Variants in ATG2B observed in about 807,000 individuals in gnomAD.
ATG2B encodes the protein autophagy-related protein 2 homolog B.
ATG2B carries 121 observed loss-of-function variants against 241.3 expected under a neutral mutation model. The observed-to-expected ratio is 0.50, with a 90% CI of 0.43 to 0.58. The LOEUF (loss-of-function observed/expected upper bound fraction) is 0.58, where lower values mean the gene tolerates loss of function less well. Among genes scored for constraint, ATG2B ranks in the 20% least tolerant of loss-of-function variants. ATG2B has a pLI of 0.00. For synonymous variants in ATG2B, 858 were observed against 876.6 expected, an observed-to-expected ratio of 0.98 and a Z score of 0.37; for missense variants, 2,306 against 2,491.6, an observed-to-expected ratio of 0.93 and a Z score of 1.59.
chr14:96,348,342 G>A (rs1566734640), intron 1 of ATG2B, among the ~76,000 whole-genome samples: 1 of 152,178 alleles, frequency 6.6e-6, no homozygotes, highest in Non-Finnish European at 1.5e-5. Context: ...GGGAATGGTA[G>A]TAGGGTAGCA....
At chr14:96,303,285 C>T in intron 32 of ATG2B, 30 bp from the exon 33 acceptor site, 2 of 1,407,408 alleles carry the variant, frequency 1.4e-6, no homozygotes, top group Non-Finnish European at 9.4e-7. Context: ...GAACGCGGAA[C>T]AGTTCTTTAC....
At chr14:96,362,783 G>A in intron 1 of ATG2B, 32 bp downstream of exon 1, 1 of 1,582,694 alleles carries the variant, frequency 6.3e-7, no homozygotes, top group Non-Finnish European at 8.6e-7. Context: ...AGGGGAGCGA[G>A]CCCCGCCCGG....
At chr14:96,314,437 A>G (rs1887248937) in intron 23 of ATG2B, among the ~76,000 whole-genome samples, 2 of 152,252 alleles carry the variant, frequency 1.3e-5, no homozygotes, top group Non-Finnish European at 2.9e-5. Context: ...CTTTAAAGCA[A>G]CATCATATTA....
At chr14:96,345,054 A>C (rs533761346) in intron 3 of ATG2B, among the ~76,000 whole-genome samples, 179 bp downstream of exon 3, 3 of 152,264 alleles carry the variant, frequency 2.0e-5, no homozygotes, top group Admixed American at 6.5e-5. Context: ...ACAAAAAAAA[A>C]AACAACATGC....
intron 6 of ATG2B, among the ~76,000 whole-genome samples, chr14:96,336,614 T>A (rs926881621): frequency 6.6e-6 from 1 of 152,200 alleles, no homozygotes; most frequent in Non-Finnish European, 1.5e-5. Context: ...GTACAAAAGT[T>A]TGGGTTTACA....
At chr14:96,342,717 CAAAAAAA>C (rs11290481) in intron 5 of ATG2B, among the ~76,000 whole-genome samples, 1 of 103,066 alleles carries the variant, frequency 9.7e-6, no homozygotes, top group Admixed American at 1.1e-4. Flanking sequence ...AGACTCTCTC[CAAAAAAA>C]AAAAAAAAAC....
chr14:96,343,272 G>T lies in ATG2B; in HGVS notation c.591C>A (p.Tyr197Ter). ...ALEIRIERTVYCDETADESSG... is the reference protein window; with the variant it reads ...ALEIRIERTV Reference sequence around the variant, plus strand: ...AGGATTCGTCAGCAGTTTCATCACAGTACACAGTTCTGAAATTTTTTTAAA... The same window carrying T: ...AGGATTCGTCAGCAGTTTCATCACATTACACAGTTCTGAAATTTTTTTAAA... The change falls in exon 5 of 42, where the codon TAC becomes TAA. Residue 197 changes from tyrosine to a stop codon, truncating the protein, a stop_gained. Transcript: ENST00000359933. LOFTEE classifies it high-confidence loss of function. 1 of 1,582,346 alleles carries T rather than the reference G, an allele frequency of 6.3e-7. No homozygotes were observed. The highest frequency in any genetic ancestry group is 8.6e-7 in the Non-Finnish European group (1 of 1,167,040).
At chr14:96,347,068 C>T (rs987457441) in intron 2 of ATG2B, 111 bp downstream of exon 2, 14 of 965,908 alleles carry the variant, frequency 1.4e-5, no homozygotes, top group Middle Eastern at 2.3e-4. Flanking sequence ...GTATTATCAA[C>T]TGAAAATTTC....
intron 1 of ATG2B, among the ~76,000 whole-genome samples, chr14:96,352,221 G>T (rs1043789166): frequency 2.0e-5 from 3 of 152,148 alleles, no homozygotes; most frequent in African/African-American, 7.2e-5. Flanking sequence ...GGTGATGCTG[G>T]TGTAAATAAA....
At chr14:96,331,219 A>AGG (rs1887722535) in intron 11 of ATG2B, among the ~76,000 whole-genome samples, 157 bp downstream of exon 11, 1 of 152,276 alleles carries the variant, frequency 6.6e-6, no homozygotes, top group Non-Finnish European at 1.5e-5. Flanking sequence ...CAGCACTGCA[A>AGG]GAAAACTTCA....
chr14:96,354,545 C>T (rs1280925017), intron 1 of ATG2B, among the ~76,000 whole-genome samples: 2 of 152,146 alleles, frequency 1.3e-5, no homozygotes, highest in African/African-American at 4.8e-5. Flanking sequence ...GGGTTGATTC[C>T]GTGTCTTTGC....
intron 8 of ATG2B, among the ~76,000 whole-genome samples, chr14:96,333,000 C>T (rs1887780996): frequency 6.6e-6 from 1 of 152,078 alleles, no homozygotes; most frequent in Non-Finnish European, 1.5e-5. Flanking sequence ...ATTGCAACCT[C>T]TAGTTTCATC....
chr14:96,282,064 TGA>T lies in ATG2B; in HGVS notation c.*3689_*3690del, dbSNP rs1886213855. ...TGTGCCTAGCATGATCCTGAAATGT[TGA>T]GATAAAAAGAAGTTGGCATTAAAGC... On this transcript the variant is annotated 3_prime_UTR_variant, in exon 42 of 42. Coordinates refer to ENST00000359933, the MANE Select transcript of ATG2B (RefSeq NM_018036.7). The T allele has an allele frequency of 1.3e-5, 2 of 152,224 alleles. No homozygotes were observed. The highest frequency in any genetic ancestry group is 4.8e-5 in the African/African-American group (2 of 41,454). 9.4% of individuals were successfully genotyped at this position (152,224 alleles called of 1,614,324 possible). A position where few individuals can be genotyped will look rare whatever the true frequency, so the allele number is the denominator to read the frequency against.
chr14:96,299,716 A>C (rs906200656), intron 34 of ATG2B, among the ~76,000 whole-genome samples: 10 of 152,202 alleles, frequency 6.6e-5, no homozygotes, highest in Non-Finnish European at 1.3e-4. Flanking sequence ...GCCTGCCCTA[A>C]GGGAACACTG....
chr14:96,322,308 G>A (rs1338012399), intron 17 of ATG2B, 54 bp from the exon 18 acceptor site: 11 of 1,552,698 alleles, frequency 7.1e-6, no homozygotes. Flanking sequence ...TAAAATAGTA[G>A]TAGCATCTTC....
Position 96,306,821 on chromosome 14 carries a change from G to T in ATG2B, c.4399C>A (p.Pro1467Thr), listed in dbSNP as rs1029706253. ...TGGTGAGAGAATGAGGCATAGGTGG[G>T]GCCGGACTCCTGGGATACATTCCCA... is the stretch of plus-strand genomic sequence containing the variant. ...ESGNVSQESG[P>T]TYASFSHHFI... The change falls in exon 30 of 42, where the codon CCC becomes ACC. Residue 1467 changes from proline (P) to threonine (T), a missense_variant. This residue lies in a region of ATG2B where 1,927 missense variants were observed against 2,011.2 expected (regional missense o/e 0.96). Coordinates refer to ENST00000359933, the MANE Select transcript of ATG2B (RefSeq NM_018036.7). 1.2e-6 allele frequency: 2 copies of T among 1,613,894 alleles called. No homozygotes were observed. The highest frequency in any genetic ancestry group is 2.7e-5 in the African/African-American group (2 of 74,846).
At chr14:96,338,061 T>C (rs1304263420) in intron 6 of ATG2B, among the ~76,000 whole-genome samples, 1 of 152,112 alleles carries the variant, frequency 6.6e-6, no homozygotes, top group Non-Finnish European at 1.5e-5. Context: ...GTAAAAGGGA[T>C]TGAGCTCTTG....
intron 1 of ATG2B, among the ~76,000 whole-genome samples, chr14:96,348,666 C>T (rs375458965): frequency 5.2e-5 from 7 of 135,820 alleles, no homozygotes; most frequent in African/African-American, 1.9e-4. Context: ...GGGACTCCAT[C>T]TCAAAAAAAA....
Position 96,329,605 on chromosome 14 carries a change from T to C in ATG2B, c.1760A>G (p.Tyr587Cys), listed in dbSNP as rs1280680484. The C allele has an allele frequency of 1.9e-6, 3 of 1,607,566 alleles. No homozygotes were observed. Among genetic ancestry groups the C allele is most frequent in the East Asian group, 2.2e-5 (1 of 44,750 alleles). The part of the protein sequence containing the change: ...RFIGTGIKVS[Y>C]EQRQRSASRY... Reference sequence around the variant, plus strand: ...GGAAGCTGATCTTTGTCTTTGTTCATAGGATACTTTAATGCCAGTACCTAT... The same window carrying C: ...GGAAGCTGATCTTTGTCTTTGTTCACAGGATACTTTAATGCCAGTACCTAT... The change falls in exon 12 of 42, where the codon TAT becomes TGT. Residue 587 changes from tyrosine (Y) to cysteine (C), a missense_variant. Tyr to Cys is a radical substitution (Grantham distance 194). This residue lies in a region of ATG2B where 1,927 missense variants were observed against 2,011.2 expected (regional missense o/e 0.96). Coordinates refer to ENST00000359933, the MANE Select transcript of ATG2B (RefSeq NM_018036.7).
Sources: gnomAD v4.1 joint callset for allele counts (sites outside exome capture counted in the v4.1 genomes callset) on GRCh38, gnomAD v4.1.1 for gene constraint, gnomAD v4.1.1 regional missense constraint, MANE v1.5 for transcripts, NCBI Gene and HGNC (gene_info 2026-07-23, HGNC 2026-07-21) for gene names.